Variants in AMPD1 observed in about 807,000 individuals in gnomAD.
AMPD1 encodes the protein adenosine monophosphate deaminase 1, also known as AMP deaminase 1.
AMPD1 carries 74 observed loss-of-function variants against 82.9 expected under a neutral mutation model. The ratio of observed to expected loss-of-function variants is 0.89; its 90% CI spans 0.74 to 1.08. AMPD1 has a LOEUF of 1.08. Ranked by LOEUF, AMPD1 falls within the 50% of genes least tolerant of loss-of-function variation. The probability of loss-of-function intolerance (pLI) is 0.00; values close to 1 mark genes in which losing one functional copy is unlikely to be tolerated. For missense variants in AMPD1, 881 were observed against 924.5 expected (o/e 0.95, Z 0.61); for synonymous variants, 333 against 320.5 (o/e 1.04, Z -0.42).
At chr1:114,682,853 T>C (rs562837963) in intron 5 of AMPD1, among the ~76,000 whole-genome samples, 45 of 152,248 alleles carry the variant, frequency 3.0e-4, no homozygotes, top group Admixed American at 1.4e-3. Flanking sequence ...GCTGGGATTA[T>C]AGGCGTGAGC....
intron 3 of AMPD1, 174 bp from the exon 4 acceptor site, chr1:114,687,084 A>G: frequency 1.4e-6 from 1 of 716,992 alleles, no homozygotes; most frequent in Non-Finnish European, 2.4e-6. Context: ...CACTGAAGAC[A>G]CATGACCTTG....
At chr1:114,690,972 C>T (rs1009054785) in intron 2 of AMPD1, among the ~76,000 whole-genome samples, 1 of 152,186 alleles carries the variant, frequency 6.6e-6, no homozygotes, top group Non-Finnish European at 1.5e-5. Flanking sequence ...AAACCAAATC[C>T]TACTTGCTTG....
At chr1:114,677,711 G>A (rs1202269949) in intron 9 of AMPD1, among the ~76,000 whole-genome samples, 197 bp from the exon 10 acceptor site, 8 of 152,058 alleles carry the variant, frequency 5.3e-5, no homozygotes, top group Admixed American at 4.6e-4. Context: ...GGATGTGTCA[G>A]AGGAAATCCT....
intron 4 of AMPD1, 75 bp from the exon 5 acceptor site, chr1:114,684,439 G>T: frequency 6.7e-7 from 1 of 1,492,208 alleles, no homozygotes; most frequent in Non-Finnish European, 9.2e-7. Flanking sequence ...GCTTATCCTT[G>T]GCACCTCCCA....
At chr1:114,677,797 CCCT>C (rs1658038535) in intron 9 of AMPD1, 110 bp downstream of exon 9, 2 of 536,082 alleles carry the variant, frequency 3.7e-6, no homozygotes, top group East Asian at 4.9e-5. Flanking sequence ...TTCCCTCTCT[CCCT>C]CCTTCCTTCC....
chr1:114,684,347 A>G lies in AMPD1; in HGVS notation c.399T>C (p.Phe133=). 1 of 1,614,032 alleles carries G rather than the reference A, an allele frequency of 6.2e-7. No homozygotes were observed. Among genetic ancestry groups the G allele is most frequent in the South Asian group, 1.1e-5 (1 of 91,080 alleles). ...GATACAGACCTTTGCAAACAATTTC[A>G]AAATCTTCAACTGTAACCTGCCAAA... ...DYASGVTVED[F]EIVCKGLYRA... is the part of the protein sequence containing the mutation. Residue 133 remains phenylalanine, a synonymous_variant, in exon 5 of 16, where the codon TTT becomes TTC. Transcript: ENST00000520113.
chr1:114,680,441 G>A lies in AMPD1; in HGVS notation c.585C>T (p.Phe195=). 1 of 1,614,162 alleles carries A rather than the reference G, an allele frequency of 6.2e-7. No individual in the cohort carries two copies. Among genetic ancestry groups the A allele is most frequent in the African/African-American group, 1.3e-5 (1 of 75,034 alleles). Residue 195 remains phenylalanine (F), a synonymous_variant, in exon 6 of 16, where the codon TTC becomes TTT. Transcript: ENST00000520113. ...TPPVKKGEDP[F]RTDNLPENLG... Reference sequence around the variant, plus strand: ...GGTTTTCAGGAAGGTTGTCTGTTCGGAAGGGGTCCTCTCCCTTCTTCACAG... The same window carrying A: ...GGTTTTCAGGAAGGTTGTCTGTTCGAAAGGGGTCCTCTCCCTTCTTCACAG...
intron 7 of AMPD1, 73 bp from the exon 8 acceptor site, chr1:114,678,600 TGCTGCAAATCCCACTGCGTTGG>T (rs1570841593): frequency 8.7e-6 from 12 of 1,375,208 alleles, no homozygotes; most frequent in Non-Finnish European, 1.2e-5. Flanking sequence ...GAGGATATGG[TGCTGCAAATCCCACTGCGTTGG>T]GACAAAGTGA....
At chr1:114,684,393 A>G (rs1658253097) in intron 4 of AMPD1, 29 bp from the exon 5 acceptor site, 20 of 1,610,550 alleles carry the variant, frequency 1.2e-5, no homozygotes, top group Non-Finnish European at 1.5e-5. Flanking sequence ...TCAGCATATC[A>G]GAGTCAATCC....
chr1:114,693,548 G>A (rs1658583411), intron 1 of AMPD1, 101 bp from the exon 2 acceptor site: 1 of 1,059,702 alleles, frequency 9.4e-7, no homozygotes, highest in South Asian at 1.3e-5. Flanking sequence ...GTAGATTGCT[G>A]TTATTTCAGC....
chr1:114,689,571 C>G (rs1312716832), intron 2 of AMPD1, among the ~76,000 whole-genome samples: 1 of 152,186 alleles, frequency 6.6e-6, no homozygotes, highest in African/African-American at 2.4e-5. Flanking sequence ...GATCCCAGCG[C>G]TTTGGGAGGG....
At chr1:114,678,268 T>C (rs1658058121) in intron 8 of AMPD1, 65 bp downstream of exon 8, 4 of 1,574,000 alleles carry the variant, frequency 2.5e-6, no homozygotes, top group African/African-American at 2.7e-5. Context: ...AGGGAGGGCT[T>C]GTAGGAGAAA....
intron 2 of AMPD1, among the ~76,000 whole-genome samples, chr1:114,689,699 C>G (rs1366389453): frequency 1.3e-5 from 2 of 152,158 alleles, no homozygotes; most frequent in Non-Finnish European, 2.9e-5. Flanking sequence ...TGCCTGTAAT[C>G]CCAGCTACTC....
rs1213432074 is a variant in AMPD1 at position 114,673,914 on chromosome 1, TA to T, written c.1968del (p.Phe656LeufsTer6). On this transcript the variant is annotated frameshift_variant, in exon 14 of 16. Transcript: ENST00000520113. LOFTEE classifies it high-confidence loss of function. ...TGCCCAAGTCCATACTATACCTTGGTAAAGTGGAATTGCATTGGGTCATCTG... is the reference window on the plus strand; with the variant it reads ...TGCCCAAGTCCATACTATACCTTGGTAAGTGGAATTGCATTGGGTCATCTG... ...LSTDDPMQFHFTKEPLMEEYA... is the reference protein window; with the variant it reads ...LSTDDPMQFHXTKEPLMEEYA... 4 of 1,614,030 alleles carry T rather than the reference TA, an allele frequency of 2.5e-6. No individual in the cohort carries two copies. Among genetic ancestry groups the T allele is most frequent in the Non-Finnish European group, 3.4e-6 (4 of 1,179,938 alleles).
chr1:114,680,223 C>G (rs781564641), intron 6 of AMPD1, 36 bp downstream of exon 6: 1 of 1,554,054 alleles, frequency 6.4e-7, no homozygotes, highest in South Asian at 1.1e-5. Flanking sequence ...TCTTGTAGTA[C>G]TAGTTGTTGT....
In AMPD1 at chr1:114,684,181, A is replaced by T; in HGVS notation, c.547+18T>A. On this transcript the variant is annotated intron_variant, in intron 5 of 15. Transcript: ENST00000520113. ...TTAAATAAAATATGTTTCATACATT[A>T]TGTAAGAGAATTGTTACCTGGATAG... The T allele has an allele frequency of 6.2e-7, 1 of 1,612,440 alleles. No homozygotes were observed. The highest frequency in any genetic ancestry group is 8.5e-7 in the Non-Finnish European group (1 of 1,178,488).
Position 114,675,380 on chromosome 1 carries a change from A to C in AMPD1, c.1679+150T>G, listed in dbSNP as rs149727363. ...TTTCTGCCCCAAAATAAATAAACTG[A>C]AGAAAAAAGTTAAGAGAAAGAAATT... On this transcript the variant is annotated intron_variant, in intron 12 of 15. Coordinates refer to ENST00000520113, the MANE Select transcript of AMPD1 (RefSeq NM_000036.3). 5,122 of 825,044 alleles carry C rather than the reference A, an allele frequency of 6.2e-3. 65 individuals carry two copies. Among genetic ancestry groups the C allele is most frequent in the South Asian group, 0.031 (2,088 of 67,532 alleles). 51.1% of individuals were successfully genotyped at this position (825,044 alleles called of 1,614,324 possible). A position where few individuals can be genotyped will look rare whatever the true frequency, so the allele number is the denominator to read the frequency against.
chr1:114,690,065 A>G (rs937202526), intron 2 of AMPD1, among the ~76,000 whole-genome samples: 1 of 152,224 alleles, frequency 6.6e-6, no homozygotes, highest in Non-Finnish European at 1.5e-5. Flanking sequence ...AGCAAACTGT[A>G]TGTAGAGAGA....
At chr1:114,677,229 G>T in intron 10 of AMPD1, 122 bp downstream of exon 10, 1 of 1,353,610 alleles carries the variant, frequency 7.4e-7, no homozygotes, top group Non-Finnish European at 1.0e-6. Context: ...ACCCGATAGT[G>T]AATGCTGTTT....
Sources: allele counts gnomAD v4.1 joint callset (sites outside exome capture counted in the v4.1 genomes callset), GRCh38; gene constraint gnomAD v4.1.1; transcripts MANE v1.5; gene names NCBI Gene and HGNC (gene_info 2026-07-23, HGNC 2026-07-21).